Variants in WBP1L observed in about 807,000 individuals in gnomAD.
WBP1L encodes WW domain binding protein 1-like.
A neutral mutation model predicts 33.7 loss-of-function variants in WBP1L; 17 were observed. The ratio of observed to expected loss-of-function variants is 0.50; its 90% confidence interval spans 0.34 to 0.76. The LOEUF (loss-of-function observed/expected upper bound fraction) is 0.76. Among genes scored for constraint, WBP1L ranks in the 30% least tolerant of loss-of-function variants. The probability of loss-of-function intolerance (pLI) is 0.01; values close to 1 mark genes in which losing one functional copy is unlikely to be tolerated. For missense variants in WBP1L, 389 were observed against 469.4 expected (o/e 0.83, Z 1.58); for synonymous variants, 173 against 190.8 (o/e 0.91, Z 0.77).
chr10:102,809,970 C>T lies in WBP1L; in HGVS notation c.271C>T (p.Leu91Phe). The change falls in exon 3 of 4, where the codon CTT (leucine) becomes TTT (phenylalanine). Residue 91 changes from leucine to phenylalanine, a missense_variant. Physicochemically the swap from Leu to Phe is conservative, Grantham distance 22. Coordinates refer to ENST00000448841, the MANE Select transcript of WBP1L (RefSeq NM_001083913.2). ...CCACCACCGCCGAGCCAAGCACCGCCTTCAGGCCCAGCAGCGGCAACATGA... is the reference window on the plus strand; with the variant it reads ...CCACCACCGCCGAGCCAAGCACCGCTTTCAGGCCCAGCAGCGGCAACATGA... Reference protein sequence around the residue: ...VCHHRRAKHRLQAQQRQHEIN... With the variant: ...VCHHRRAKHRFQAQQRQHEIN... The T allele has an allele frequency of 4.3e-6, 7 of 1,614,080 alleles. No individual in the cohort carries two copies. The highest frequency in any genetic ancestry group is 5.9e-6 in the Non-Finnish European group (7 of 1,180,034).
intron 1 of WBP1L, among the ~76,000 whole-genome samples, chr10:102,782,983 C>T (rs1037205184): frequency 6.6e-6 from 1 of 152,124 alleles, no homozygotes; most frequent in East Asian, 1.9e-4. Flanking sequence ...TGCACGGTCT[C>T]GATGTGGTTT....
chr10:102,781,991 A>G (rs900905152), intron 1 of WBP1L, among the ~76,000 whole-genome samples: 3 of 151,986 alleles, frequency 2.0e-5, no homozygotes, highest in Non-Finnish European at 4.4e-5. Flanking sequence ...CTCGTGCCTC[A>G]GCCTCCCAAG....
chr10:102,750,151 T>C, intron 1 of WBP1L, among the ~76,000 whole-genome samples: 1 of 151,904 alleles, frequency 6.6e-6, no homozygotes, highest in African/African-American at 2.4e-5. Flanking sequence ...TTCACACCTG[T>C]AATCCCAGCA....
At chr10:102,751,946 C>G (rs1392107843) in intron 1 of WBP1L, among the ~76,000 whole-genome samples, 1 of 152,204 alleles carries the variant, frequency 6.6e-6, no homozygotes, top group East Asian at 1.9e-4. Flanking sequence ...ACCATTATTG[C>G]TGTTGGCAGT....
intron 1 of WBP1L, among the ~76,000 whole-genome samples, chr10:102,790,476 A>G (rs1189187603): frequency 6.6e-6 from 1 of 151,720 alleles, no homozygotes; most frequent in Non-Finnish European, 1.5e-5. Flanking sequence ...ATACATTTTT[A>G]TATTTTGGAT....
chr10:102,758,702 A>C (rs1312166472), intron 1 of WBP1L, among the ~76,000 whole-genome samples: 2 of 152,306 alleles, frequency 1.3e-5, no homozygotes, highest in East Asian at 3.9e-4. Context: ...TACCATCAAG[A>C]TGCAGAGACC....
intron 2 of WBP1L, among the ~76,000 whole-genome samples, chr10:102,802,407 A>G (rs867954760): frequency 6.6e-6 from 1 of 151,150 alleles, no homozygotes; most frequent in Non-Finnish European, 1.5e-5. Flanking sequence ...TTGTCTTAAG[A>G]TACCCATTGT....
At chr10:102,784,176 C>A (rs150356848) in intron 1 of WBP1L, among the ~76,000 whole-genome samples, 2 of 151,956 alleles carry the variant, frequency 1.3e-5, no homozygotes, top group African/African-American at 4.8e-5. Flanking sequence ...ATTACTACCC[C>A]CCAGGAGGAG....
intron 2 of WBP1L, among the ~76,000 whole-genome samples, chr10:102,808,626 C>T (rs563784700): frequency 5.3e-5 from 8 of 152,282 alleles, no homozygotes; most frequent in South Asian, 4.1e-4. Flanking sequence ...GAATTGTACC[C>T]GATTAGGATT....
chr10:102,800,268 C>T (rs1330388474), intron 2 of WBP1L, among the ~76,000 whole-genome samples: 1 of 152,196 alleles, frequency 6.6e-6, no homozygotes, highest in Non-Finnish European at 1.5e-5. Context: ...TTTTCTGGGT[C>T]CTGGCCAGGC....
intron 1 of WBP1L, among the ~76,000 whole-genome samples, chr10:102,774,278 G>A (rs970873680): frequency 2.6e-5 from 4 of 152,182 alleles, no homozygotes; most frequent in African/African-American, 9.7e-5. Context: ...CTGTATGGCA[G>A]TTTGGCCTGG....
chr10:102,785,526 G>A (rs1292787796), intron 1 of WBP1L, among the ~76,000 whole-genome samples: 8 of 149,396 alleles, frequency 5.4e-5, no homozygotes, highest in Admixed American at 3.3e-4. Context: ...ACGGTGCCAT[G>A]TAGGCATAGA....
intron 3 of WBP1L, among the ~76,000 whole-genome samples, chr10:102,812,127 G>T (rs1033718102): frequency 6.6e-6 from 1 of 152,134 alleles, no homozygotes; most frequent in African/African-American, 2.4e-5. Flanking sequence ...CCTACATAGT[G>T]CATTTGGAAG....
intron 1 of WBP1L, among the ~76,000 whole-genome samples, chr10:102,763,801 T>C (rs1843072495): frequency 6.6e-6 from 1 of 152,162 alleles, no homozygotes; most frequent in Non-Finnish European, 1.5e-5. Flanking sequence ...CCTTGAATTC[T>C]GATTTTGTTG....
chr10:102,797,567 T>A (rs1282989410), intron 1 of WBP1L, among the ~76,000 whole-genome samples: 1 of 152,194 alleles, frequency 6.6e-6, no homozygotes, highest in Non-Finnish European at 1.5e-5. Flanking sequence ...TATTTTTTAT[T>A]TTTGAGATGG....
chr10:102,755,471 A>T (rs1266748668), intron 1 of WBP1L, among the ~76,000 whole-genome samples: 2 of 151,828 alleles, frequency 1.3e-5, no homozygotes, highest in African/African-American at 4.8e-5. Flanking sequence ...GGCTTACTGC[A>T]ACCTCCGCCT....
intron 1 of WBP1L, among the ~76,000 whole-genome samples, chr10:102,786,700 G>A (rs1843420338): frequency 6.6e-6 from 1 of 152,200 alleles, no homozygotes; most frequent in Admixed American, 6.5e-5. Context: ...GTCTTTGGGA[G>A]GGACCAGACC....
chr10:102,772,287 G>A lies in WBP1L; in HGVS notation c.91-25706G>A, dbSNP rs1219860351. ...TTTTTTTTTTTTTTTTTTTGAGACA[G>A]TCTCGCTCTGTCGCCCAGGCTGGAG... On this transcript the variant is annotated intron_variant, in intron 1 of 3. Transcript: ENST00000448841. Among the ~76,000 whole-genome samples the A allele has an allele frequency of 3.2e-5, 3 of 94,404 alleles. No homozygotes were observed. The South Asian group carries it at 1.1e-3, about 33-fold the overall frequency. 61.9% of individuals were successfully genotyped at this position (94,404 alleles called of 152,430 possible). A position where few individuals can be genotyped will look rare whatever the true frequency, so the allele number is the denominator to read the frequency against.
intron 1 of WBP1L, among the ~76,000 whole-genome samples, chr10:102,762,807 G>T (rs1475646): frequency 0.72 from 109,869 of 152,054 alleles, 39,973 homozygotes; most frequent in East Asian, 0.9. Flanking sequence ...GCAAGCTGTT[G>T]GTCCCTATCC....
Sources: gnomAD v4.1 joint callset for allele counts (sites outside exome capture counted in the v4.1 genomes callset) on GRCh38, gnomAD v4.1.1 for gene constraint, MANE v1.5 for transcripts, NCBI Gene and HGNC (gene_info 2026-07-23, HGNC 2026-07-21) for gene names.